The following EPDR1 variants were observed in gnomAD, a reference collection of about 807,000 sequenced individuals.
EPDR1 encodes mammalian ependymin-related protein 1.
In EPDR1, 27 loss-of-function variants were observed where a neutral mutation model predicts 23.7. The ratio of observed to expected loss-of-function variants is 1.14; its 90% CI spans 0.84 to 1.57. The LOEUF (loss-of-function observed/expected upper bound fraction) is 1.57. Ranked by LOEUF, EPDR1 falls within the 40% of genes most tolerant of loss-of-function variation. The pLI, the probability that EPDR1 is intolerant of heterozygous loss-of-function variation, is 0.00. For synonymous variants in EPDR1, 137 were observed against 118.2 expected (o/e 1.16, Z -1.03); for missense variants, 349 against 290.4 (o/e 1.20, Z -1.47).
At chr7:37,946,742 C>A (rs961513927) in intron 1 of EPDR1, among the ~76,000 whole-genome samples, 6 of 151,954 alleles carry the variant, frequency 3.9e-5, no homozygotes, top group Non-Finnish European at 8.8e-5. Flanking sequence ...TGATCCTAAC[C>A]TTGTGTAGGC....
rs1392815089 is a variant in EPDR1, at chr7:37,922,968, C to T, written c.269+1760C>T. 4.6e-5 allele frequency among the ~76,000 whole-genome samples: 7 copies of T among 152,146 alleles called. No individual in the cohort carries two copies. The South Asian group carries it at 1.2e-3, about 27-fold the overall frequency. On this transcript the variant is annotated intron_variant, in intron 1 of 2. Coordinates refer to ENST00000199448, the MANE Select transcript of EPDR1 (RefSeq NM_017549.5). Reference sequence around the variant, plus strand: ...TTTCCAGGGAGATGTGGAGAGACTGCTGGTCCAGGGGGATGCAGGTGTATC... The same window carrying T: ...TTTCCAGGGAGATGTGGAGAGACTGTTGGTCCAGGGGGATGCAGGTGTATC...
At chr7:37,924,205 C>A (rs1356292702) in intron 1 of EPDR1, among the ~76,000 whole-genome samples, 1 of 152,238 alleles carries the variant, frequency 6.6e-6, no homozygotes, top group African/African-American at 2.4e-5. Flanking sequence ...CAGTTGTGAG[C>A]AAAGAGTTGG....
At chr7:37,929,358 T>C (rs775718105) in intron 1 of EPDR1, among the ~76,000 whole-genome samples, 1 of 152,226 alleles carries the variant, frequency 6.6e-6, no homozygotes, top group Non-Finnish European at 1.5e-5. Context: ...CAGAACACTT[T>C]ACATTCTTTT....
In EPDR1 at chr7:37,936,039, T is replaced by TATATATATAC. The variant is rs57925993; in HGVS notation, c.270-12800_270-12799insTATATATACA. ...ATATATATATATATATATATATATA[T>TATATATATAC]ACACAAGGGAAATGTGAATCTGTTA... On this transcript the variant is annotated intron_variant, in intron 1 of 2. Transcript: ENST00000199448. Among the ~76,000 whole-genome samples, 4 of 80,940 alleles carry TATATATATAC rather than the reference T, an allele frequency of 4.9e-5. 2 individuals carry two copies. Among genetic ancestry groups the TATATATATAC allele is most frequent in the East Asian group, 9.0e-4 (2 of 2,232 alleles). The allele number at this position is 80,940 out of a possible 152,430, so 53.1% of individuals were successfully genotyped here. A position where few individuals can be genotyped will look rare whatever the true frequency, so the allele number is the denominator to read the frequency against.
chr7:37,931,824 G>A (rs1308382272), intron 1 of EPDR1, among the ~76,000 whole-genome samples: 6 of 151,994 alleles, frequency 3.9e-5, no homozygotes, highest in Admixed American at 2.0e-4. Context: ...TTAGCCTCCC[G>A]AGTAGCTGGG....
Position 37,921,090 on chromosome 7 carries a change from C to T in EPDR1, c.151C>T (p.Arg51Cys). The change falls in exon 1 of 3, where the codon CGC becomes TGC. Residue 51 changes from arginine (R) to cysteine (C), a missense_variant. Physicochemically the swap from Arg to Cys is radical, Grantham distance 180 (BLOSUM62 -3). Transcript: ENST00000199448. ...CCAGGCGCCGCAGCAGTGGGAGGGG[C>T]GCCAGGTTATGTACCAGCAAAGTAG... ...PCQAPQQWEGRQVMYQQSSGR... is the reference protein window; with the variant it reads ...PCQAPQQWEGCQVMYQQSSGR... 5 of 1,583,006 alleles carry T rather than the reference C, an allele frequency of 3.2e-6. No homozygotes were observed. Among genetic ancestry groups the T allele is most frequent in the Non-Finnish European group, 3.4e-6 (4 of 1,171,594 alleles).
intron 2 of EPDR1, 39 bp downstream of exon 2, chr7:37,949,087 C>G: frequency 6.4e-7 from 1 of 1,574,178 alleles, no homozygotes; most frequent in Non-Finnish European, 8.7e-7. Flanking sequence ...ATTCAGCATG[C>G]ATGATGGGGA....
At chr7:37,925,743 T>C (rs1267909126) in intron 1 of EPDR1, among the ~76,000 whole-genome samples, 4 of 152,206 alleles carry the variant, frequency 2.6e-5, no homozygotes, top group African/African-American at 9.7e-5. Flanking sequence ...ACAATGTTGA[T>C]ACTAAATCAC....
At chr7:37,945,786 C>T (rs1236990279) in intron 1 of EPDR1, among the ~76,000 whole-genome samples, 2 of 152,142 alleles carry the variant, frequency 1.3e-5, no homozygotes, top group Non-Finnish European at 2.9e-5. Context: ...CACAAGTGAA[C>T]GTGTGCCATG....
In EPDR1 at chr7:37,921,065, C is replaced by G. The variant is rs865882635; in HGVS notation, c.126C>G (p.Cys42Trp). Residue 42 changes from cysteine (C) to tryptophan (W), a missense_variant, in exon 1 of 3, where the codon TGC becomes TGG. Transcript: ENST00000199448. ...SLGAVGAPRP[C>W]QAPQQWEGRQ... ...GGGCGGTGGGAGCCCCGCGCCCGTG[C>G]CAGGCGCCGCAGCAGTGGGAGGGGC... 1 of 1,558,186 alleles carries G rather than the reference C, an allele frequency of 6.4e-7. No individual in the cohort carries two copies. Among genetic ancestry groups the G allele is most frequent in the South Asian group, 1.2e-5 (1 of 86,396 alleles).
At chr7:37,923,646 A>G (rs1045697649) in intron 1 of EPDR1, among the ~76,000 whole-genome samples, 1 of 152,142 alleles carries the variant, frequency 6.6e-6, no homozygotes, top group African/African-American at 2.4e-5. Flanking sequence ...AGAGAAGGAT[A>G]AGGGTTCATC....
Position 37,920,778 on chromosome 7 carries a change from T to A in EPDR1, c.-162T>A. ...GGCTACCGGGACTCGCGCGTCCGGA[T>A]CTCAAAAGCGGCAGAGGCCACCGAA... On this transcript the variant is annotated 5_prime_UTR_variant, in exon 1 of 3. Transcript: ENST00000199448. The A allele has an allele frequency of 6.2e-7, 1 of 1,609,594 alleles. No individual in the cohort carries two copies. Among genetic ancestry groups the A allele is most frequent in the Non-Finnish European group, 8.5e-7 (1 of 1,177,762 alleles).
intron 1 of EPDR1, among the ~76,000 whole-genome samples, chr7:37,928,744 C>T (rs534043443): frequency 1.3e-5 from 2 of 152,110 alleles, no homozygotes; most frequent in African/African-American, 4.8e-5. Context: ...CTCTGGACTG[C>T]TAATAGTGGA....
At chr7:37,933,268 G>T (rs1449613170) in intron 1 of EPDR1, among the ~76,000 whole-genome samples, 1 of 152,144 alleles carries the variant, frequency 6.6e-6, no homozygotes, top group African/African-American at 2.4e-5. Flanking sequence ...TCCAAAGTTT[G>T]TTCAATTTTT....
rs933163183 is a variant in EPDR1, at chr7:37,950,989, T to C, written c.*593T>C. ...ATTTTATGGCATGGCCCAATTGATA[T>C]AAACATTTAGAAGGAAATGAAAAGC... is the stretch of plus-strand genomic sequence containing the variant. On this transcript the variant is annotated 3_prime_UTR_variant, in exon 3 of 3. Coordinates refer to ENST00000199448, the MANE Select transcript of EPDR1 (RefSeq NM_017549.5). The C allele has an allele frequency of 1.3e-5, 2 of 152,190 alleles. No homozygotes were observed. The highest frequency in any genetic ancestry group is 2.9e-5 in the Non-Finnish European group (2 of 68,052). The allele number at this position is 152,190 out of a possible 1,614,324, so 9.4% of individuals were successfully genotyped here.
At position 37,920,683 on chromosome 7, in the gene EPDR1, CA is replaced by C. The variant is rs763518266; in HGVS notation, c.-256del. On this transcript the variant is annotated 5_prime_UTR_variant, in exon 1 of 3. Transcript: ENST00000199448. The stretch of plus-strand genomic sequence containing the variant: ...AGAAGGCAGTGGCAGCAGGCAGTGG[CA>C]GCAGGCAGTGGCCCAGGCAGAAATA... The C allele has an allele frequency of 6.3e-7, 1 of 1,594,202 alleles. No individual in the cohort carries two copies. Among genetic ancestry groups the C allele is most frequent in the East Asian group, 2.3e-5 (1 of 43,652 alleles).
chr7:37,921,348 G>A, intron 1 of EPDR1, 140 bp downstream of exon 1: 4 of 1,421,152 alleles, frequency 2.8e-6, no homozygotes, highest in Non-Finnish European at 3.7e-6. Flanking sequence ...TTCGCGAGGA[G>A]GGTCTCTTGG....
rs778793173 is a variant in EPDR1 at position 37,921,098 on chromosome 7, T to C, written c.159T>C (p.Val53=). 3 of 1,591,108 alleles carry C rather than the reference T, an allele frequency of 1.9e-6. No homozygotes were observed. Among genetic ancestry groups the C allele is most frequent in the South Asian group, 2.2e-5 (2 of 90,028 alleles). ...QAPQQWEGRQ[V]MYQQSSGRNS... is the part of the protein sequence containing the mutation. Reference sequence around the variant, plus strand: ...CGCAGCAGTGGGAGGGGCGCCAGGTTATGTACCAGCAAAGTAGCGGGCGCA... The same window carrying C: ...CGCAGCAGTGGGAGGGGCGCCAGGTCATGTACCAGCAAAGTAGCGGGCGCA... The change falls in exon 1 of 3, where the codon GTT becomes GTC. Residue 53 remains valine (V), a synonymous_variant. Coordinates refer to ENST00000199448, the MANE Select transcript of EPDR1 (RefSeq NM_017549.5).
At chr7:37,931,386 C>T (rs1450428745) in intron 1 of EPDR1, among the ~76,000 whole-genome samples, 10 of 152,072 alleles carry the variant, frequency 6.6e-5, no homozygotes, top group Admixed American at 3.9e-4. Flanking sequence ...TGGTGGCATG[C>T]GCCTGTAATC....
Sources: gnomAD v4.1 joint callset for allele counts (sites outside exome capture counted in the v4.1 genomes callset) on GRCh38, gnomAD v4.1.1 for gene constraint, MANE v1.5 for transcripts, NCBI Gene and HGNC (gene_info 2026-07-23, HGNC 2026-07-21) for gene names.